PPM1H: variants seen among roughly 807,000 people sequenced by gnomAD.
PPM1H encodes the protein protein phosphatase, Mg2+/Mn2+ dependent 1H.
In PPM1H, 27 loss-of-function variants were observed where a neutral mutation model predicts 54.9. That is an observed-to-expected ratio of 0.49 (90% CI 0.36 to 0.68). The LOEUF is 0.68. Among genes scored for constraint, PPM1H ranks in the 30% least tolerant of loss-of-function variants. The probability of loss-of-function intolerance (pLI) is 0.00; values close to 1 mark genes in which losing one functional copy is unlikely to be tolerated. For missense variants in PPM1H, 596 were observed against 667.8 expected, an observed-to-expected ratio of 0.89 and a Z score of 1.19; for synonymous variants, 305 against 270.8, an observed-to-expected ratio of 1.13 and a Z score of -1.24.
intron 8 of PPM1H, among the ~76,000 whole-genome samples, chr12:62,687,542 T>C (rs1314466336): frequency 1.3e-5 from 2 of 151,756 alleles, no homozygotes; most frequent in East Asian, 1.9e-4. Flanking sequence ...TGAGCCACCA[T>C]AGCCGGCCTT....
At chr12:62,910,911 TG>T (rs1443953870) in intron 1 of PPM1H, among the ~76,000 whole-genome samples, 1 of 152,136 alleles carries the variant, frequency 6.6e-6, no homozygotes, top group Non-Finnish European at 1.5e-5. Context: ...TAAATAATAA[TG>T]GAAGGTTTAA....
intron 5 of PPM1H, among the ~76,000 whole-genome samples, chr12:62,724,148 C>T (rs1196756077): frequency 6.6e-6 from 1 of 152,212 alleles, no homozygotes; most frequent in Non-Finnish European, 1.5e-5. Flanking sequence ...GTCCTTTGAT[C>T]AAACTTCTGT....
At chr12:62,656,672 C>T (rs1323421868) in intron 9 of PPM1H, among the ~76,000 whole-genome samples, 1 of 152,080 alleles carries the variant, frequency 6.6e-6, no homozygotes, top group Non-Finnish European at 1.5e-5. Flanking sequence ...TAATGGCTTC[C>T]AAATATTTGC....
intron 4 of PPM1H, among the ~76,000 whole-genome samples, chr12:62,786,400 C>G (rs1047266743): frequency 1.3e-5 from 2 of 152,260 alleles, no homozygotes; most frequent in African/African-American, 4.8e-5. Context: ...AGGTACGGCC[C>G]TGGCCTGTGT....
chr12:62,745,800 G>A (rs2076407054), intron 4 of PPM1H, among the ~76,000 whole-genome samples: 2 of 150,790 alleles, frequency 1.3e-5, no homozygotes, highest in South Asian at 4.2e-4. Flanking sequence ...CAAAATAAAA[G>A]TATAAGAAGA....
intron 8 of PPM1H, among the ~76,000 whole-genome samples, chr12:62,685,198 A>T (rs1418486962): frequency 1.3e-5 from 2 of 152,102 alleles, no homozygotes; most frequent in African/African-American, 4.8e-5. Context: ...TTGCACACAC[A>T]ACAAAGGCCA....
chr12:62,778,716 G>C (rs77463500), intron 4 of PPM1H, among the ~76,000 whole-genome samples: 1 of 152,148 alleles, frequency 6.6e-6, no homozygotes, highest in Non-Finnish European at 1.5e-5. Flanking sequence ...TTTGGGAGGC[G>C]AGGCAAGAGG....
intron 5 of PPM1H, among the ~76,000 whole-genome samples, chr12:62,729,950 A>G (rs2076311094): frequency 6.6e-6 from 1 of 152,054 alleles, no homozygotes; most frequent in Non-Finnish European, 1.5e-5. Context: ...TTTCACCACA[A>G]AAGAAGTGAA....
intron 8 of PPM1H, among the ~76,000 whole-genome samples, chr12:62,677,692 C>T (rs368862899): frequency 1.8e-4 from 27 of 152,284 alleles, no homozygotes; most frequent in African/African-American, 4.1e-4. Context: ...AAAAGCTGAG[C>T]GCAGCCTGCC....
intron 4 of PPM1H, among the ~76,000 whole-genome samples, chr12:62,766,028 G>A (rs1460006379): frequency 6.6e-6 from 1 of 152,196 alleles, no homozygotes; most frequent in East Asian, 1.9e-4. Context: ...GTAATCTTGG[G>A]GACTGCCAGA....
At chr12:62,739,076 T>C (rs1334986725) in intron 4 of PPM1H, among the ~76,000 whole-genome samples, 1 of 144,362 alleles carries the variant, frequency 6.9e-6, no homozygotes, top group African/African-American at 2.5e-5. Flanking sequence ...CTTATGACTC[T>C]AGGAAAAAAA....
chr12:62,838,804 C>T (rs1231619911), intron 1 of PPM1H, among the ~76,000 whole-genome samples: 3 of 130,980 alleles, frequency 2.3e-5, no homozygotes, highest in Non-Finnish European at 4.8e-5. Context: ...GCCTGTAGTC[C>T]CAGCTACTCG....
intron 4 of PPM1H, among the ~76,000 whole-genome samples, chr12:62,783,225 T>C (rs986661278): frequency 6.6e-6 from 1 of 152,316 alleles, no homozygotes; most frequent in South Asian, 2.1e-4. Flanking sequence ...TTCTATATTA[T>C]AAATGAATGA....
chr12:62,840,594 G>A lies in PPM1H; in HGVS notation c.246-8315C>T, dbSNP rs542223804. On this transcript the variant is annotated intron_variant, in intron 1 of 9. Coordinates refer to ENST00000228705, the MANE Select transcript of PPM1H (RefSeq NM_020700.2). ...GCATCTGAGCTCAGTGTTATGGAAT[G>A]AAGGAAATCAACACTCAGAGAAAAG... Among the ~76,000 whole-genome samples, 16 of 152,280 alleles carry A rather than the reference G, an allele frequency of 1.1e-4. No homozygotes were observed. The South Asian group carries it at 2.1e-3, about 20-fold the overall frequency.
At chr12:62,793,762 A>T (rs1260484952) in intron 3 of PPM1H, among the ~76,000 whole-genome samples, 2 of 149,782 alleles carry the variant, frequency 1.3e-5, no homozygotes, top group Non-Finnish European at 3.0e-5. Context: ...AAAAAAAAAA[A>T]GGCAAACAGA....
chr12:62,840,799 T>G (rs1446463684), intron 1 of PPM1H, among the ~76,000 whole-genome samples: 1 of 152,220 alleles, frequency 6.6e-6, no homozygotes, highest in African/African-American at 2.4e-5. Context: ...GGAAGAAATC[T>G]AAGACTGTTT....
At chr12:62,918,210 G>A in intron 1 of PPM1H, among the ~76,000 whole-genome samples, 1 of 152,038 alleles carries the variant, frequency 6.6e-6, no homozygotes, top group Non-Finnish European at 1.5e-5. Flanking sequence ...ACTACCTCAA[G>A]CTGCCCCTTC....
chr12:62,916,262 T>C (rs1475939273), intron 1 of PPM1H, among the ~76,000 whole-genome samples: 1 of 152,254 alleles, frequency 6.6e-6, no homozygotes, highest in Non-Finnish European at 1.5e-5. Flanking sequence ...GAAATAGTCT[T>C]AAGTTTTACT....
chr12:62,738,909 T>A (rs2076365348), intron 4 of PPM1H, among the ~76,000 whole-genome samples: 1 of 150,118 alleles, frequency 6.7e-6, no homozygotes, highest in South Asian at 2.1e-4. Context: ...TGGCTGCAGC[T>A]GTCATGACCC....
Sources: allele counts gnomAD v4.1 joint callset (sites outside exome capture counted in the v4.1 genomes callset), GRCh38; gene constraint gnomAD v4.1.1; transcripts MANE v1.5; gene names NCBI Gene and HGNC (gene_info 2026-07-23, HGNC 2026-07-21).